The following SLC39A11 variants were observed in gnomAD, a reference collection of about 807,000 sequenced individuals.
SLC39A11 encodes solute carrier family 39 member 11.
A neutral mutation model predicts 36.1 loss-of-function variants in SLC39A11; 33 were observed. The observed-to-expected ratio is 0.91, with a 90% CI of 0.69 to 1.22. The LOEUF is 1.22. Among genes scored for constraint, SLC39A11 ranks in the 50% most tolerant of loss-of-function variants. SLC39A11 has a pLI of 0.00. For synonymous variants in SLC39A11, 166 were observed against 170.3 expected, an observed-to-expected ratio of 0.97 and a Z score of 0.20; for missense variants, 432 against 430.3, an observed-to-expected ratio of 1.00 and a Z score of -0.03.
At chr17:72,647,949 T>C (rs1034121317) in intron 9 of SLC39A11, among the ~76,000 whole-genome samples, 1 of 152,140 alleles carries the variant, frequency 6.6e-6, no homozygotes, top group Non-Finnish European at 1.5e-5. Context: ...CTGTGGTCCA[T>C]GTGTGAGTAA....
At chr17:72,920,200 C>T (rs1256965016) in intron 5 of SLC39A11, among the ~76,000 whole-genome samples, 1 of 152,062 alleles carries the variant, frequency 6.6e-6, no homozygotes, top group East Asian at 1.9e-4. Context: ...CTCCCTGCTG[C>T]AATCTATCCC....
In SLC39A11 at chr17:72,861,668, T is replaced by TATATATATATATC. The variant is rs1555605384; in HGVS notation, c.431-11865_431-11864insGATATATATATAT. Among the ~76,000 whole-genome samples the TATATATATATATC allele has an allele frequency of 2.0e-4, 21 of 107,146 alleles. 2 individuals are homozygous for TATATATATATATC. Among genetic ancestry groups the TATATATATATATC allele is most frequent in the African/African-American group, 8.1e-4 (20 of 24,628 alleles). 70.3% of individuals were successfully genotyped at this position (107,146 alleles called of 152,430 possible). A position where few individuals can be genotyped will look rare whatever the true frequency, so the allele number is the denominator to read the frequency against. On this transcript the variant is annotated intron_variant, in intron 5 of 9. Coordinates refer to ENST00000255559, the MANE Select transcript of SLC39A11 (RefSeq NM_139177.4). Reference sequence around the variant, plus strand: ...CTATATACAACACATTATATATATATATATATATATATATATATATAAAAT... The same window carrying TATATATATATATC: ...CTATATACAACACATTATATATATATATATATATATATCATATATATATATATATATATAAAAT...
chr17:72,716,009 C>G (rs2073346419), intron 7 of SLC39A11, among the ~76,000 whole-genome samples: 1 of 152,018 alleles, frequency 6.6e-6, no homozygotes, highest in Non-Finnish European at 1.5e-5. Flanking sequence ...AATGTACCAT[C>G]TTGATCAATT....
chr17:73,086,339 ATT>A (rs34812115), intron 2 of SLC39A11, among the ~76,000 whole-genome samples: 8 of 147,172 alleles, frequency 5.4e-5, no homozygotes, highest in East Asian at 3.9e-4. Context: ...TTCAATACAG[ATT>A]TTTTTTTTTT....
intron 6 of SLC39A11, among the ~76,000 whole-genome samples, chr17:72,806,755 G>C (rs2077270247): frequency 6.6e-6 from 1 of 152,076 alleles, no homozygotes; most frequent in Non-Finnish European, 1.5e-5. Context: ...GCTAATTTCT[G>C]TATTTTTAGT....
At position 72,902,454 on chromosome 17, in the gene SLC39A11, T is replaced by C. The variant is rs553342716; in HGVS notation, c.430+45298A>G. On this transcript the variant is annotated intron_variant, in intron 5 of 9. Coordinates refer to ENST00000255559, the MANE Select transcript of SLC39A11 (RefSeq NM_139177.4). ...TCTCCTTGAGCCTTCAGAGGGAGCA[T>C]GGGTGGCCCTACTGACGCCATGATT... Among the ~76,000 whole-genome samples the C allele has an allele frequency of 2.0e-5, 3 of 152,180 alleles. No homozygotes were observed. In the South Asian group the frequency reaches 6.2e-4, roughly 32 times the overall value.
intron 5 of SLC39A11, among the ~76,000 whole-genome samples, chr17:72,903,962 T>C (rs2082523457): frequency 1.3e-5 from 2 of 152,130 alleles, no homozygotes; most frequent in African/African-American, 4.8e-5. Flanking sequence ...AAACTCTTAA[T>C]AGTGCTGAAG....
intron 6 of SLC39A11, among the ~76,000 whole-genome samples, chr17:72,809,435 G>C (rs1021629412): frequency 6.6e-6 from 1 of 152,126 alleles, no homozygotes. Context: ...TCTACTCCAA[G>C]TTTGGAGCCT....
chr17:72,847,421 AAAT>A (rs1473949898), intron 6 of SLC39A11, among the ~76,000 whole-genome samples: 90 of 129,994 alleles, frequency 6.9e-4, no homozygotes, highest in African/African-American at 2.3e-3. Flanking sequence ...AAAAAAAAAA[AAAT>A]TGGAAAACCA....
intron 3 of SLC39A11, among the ~76,000 whole-genome samples, chr17:73,064,926 T>A (rs1485809027): frequency 6.6e-6 from 1 of 152,170 alleles, no homozygotes; most frequent in Non-Finnish European, 1.5e-5. Flanking sequence ...TGTATCCCCC[T>A]ACTCTGCCCC....
intron 6 of SLC39A11, among the ~76,000 whole-genome samples, chr17:72,738,154 G>A (rs1432626344): frequency 2.6e-5 from 4 of 152,024 alleles, no homozygotes; most frequent in African/African-American, 4.8e-5. Context: ...ACAGGCGCCC[G>A]CTACCACGCC....
chr17:72,663,416 A>G (rs1458929183), intron 7 of SLC39A11, among the ~76,000 whole-genome samples: 1 of 152,192 alleles, frequency 6.6e-6, no homozygotes. Flanking sequence ...TCAGAAACTA[A>G]GCAAACCCAT....
intron 7 of SLC39A11, among the ~76,000 whole-genome samples, chr17:72,716,992 T>TATATATACACAC (rs773086532): frequency 7.9e-6 from 1 of 126,464 alleles, no homozygotes; most frequent in Non-Finnish European, 1.6e-5. Flanking sequence ...TATATATATA[T>TATATATACACAC]ACACACACAC....
chr17:72,805,267 C>G (rs892920172), intron 6 of SLC39A11, among the ~76,000 whole-genome samples: 6 of 152,110 alleles, frequency 3.9e-5, no homozygotes, highest in Non-Finnish European at 1.5e-5. Context: ...CCTATGTAAT[C>G]CTGATGGAAT....
intron 4 of SLC39A11, among the ~76,000 whole-genome samples, chr17:72,979,007 T>C (rs1301524617): frequency 1.3e-5 from 2 of 152,168 alleles, no homozygotes; most frequent in Non-Finnish European, 2.9e-5. Context: ...TTAGGTTTTG[T>C]GTCTCCACCC....
At chr17:72,804,007 G>GTTTGGGT (rs2077176525) in intron 6 of SLC39A11, among the ~76,000 whole-genome samples, 1 of 148,944 alleles carries the variant, frequency 6.7e-6, no homozygotes, top group South Asian at 2.1e-4. Context: ...TTTTTTGGGT[G>GTTTGGGT]GGGGCGGGGT....
Position 72,899,998 on chromosome 17 carries a change from G to A in SLC39A11, c.430+47754C>T, listed in dbSNP as rs556179387. On this transcript the variant is annotated intron_variant, in intron 5 of 9. Transcript: ENST00000255559. ...AGAGAGAGAGAAAGAAAGAGAGAGA[G>A]AGAGAAAGAGAGAGAGAGAGAAAGA... is the stretch of plus-strand genomic sequence containing the variant. Among the ~76,000 whole-genome samples, 6 of 25,326 alleles carry A rather than the reference G, an allele frequency of 2.4e-4. No homozygotes were observed. The African/African-American group carries it at 5.3e-3, about 22-fold the overall frequency. 16.6% of individuals were successfully genotyped at this position (25,326 alleles called of 152,430 possible).
intron 3 of SLC39A11, among the ~76,000 whole-genome samples, chr17:73,055,380 C>A (rs1353839630): frequency 6.6e-6 from 1 of 151,964 alleles, no homozygotes; most frequent in Non-Finnish European, 1.5e-5. Context: ...CCGGCAACTG[C>A]AACCTGGCCT....
intron 6 of SLC39A11, among the ~76,000 whole-genome samples, chr17:72,743,200 G>A (rs955297581): frequency 1.3e-5 from 2 of 152,132 alleles, no homozygotes; most frequent in Admixed American, 6.5e-5. Flanking sequence ...AGCTGGGGGG[G>A]CTAGAGCTGG....
Sources: allele counts gnomAD v4.1 joint callset (sites outside exome capture counted in the v4.1 genomes callset), GRCh38; gene constraint gnomAD v4.1.1; transcripts MANE v1.5; gene names NCBI Gene and HGNC (gene_info 2026-07-23, HGNC 2026-07-21).